Variants in NUS1 observed in about 807,000 individuals in gnomAD.
NUS1 encodes the protein NUS1 dehydrodolichyl diphosphate synthase subunit.
For synonymous variants in NUS1, 135 were observed against 155.2 expected, an observed-to-expected ratio of 0.87 and a Z score of 0.97; for missense variants, 292 against 382.9, an observed-to-expected ratio of 0.76 and a Z score of 1.98.
rs910530576 is a variant in NUS1, at chr6:117,697,607, G to A, written c.691+3427G>A. Among the ~76,000 whole-genome samples the A allele has an allele frequency of 3.9e-5, 6 of 152,062 alleles. No homozygotes were observed. In the South Asian group the frequency reaches 1.2e-3, roughly 32 times the overall value. ...AGGGGTCATTTTAGCAAGAGGATAT[G>A]ACAGTTGTAAATACATATGCACCCA... On this transcript the variant is annotated intron_variant, in intron 3 of 4. Coordinates refer to ENST00000368494, the MANE Select transcript of NUS1 (RefSeq NM_138459.5).
intron 1 of NUS1, among the ~76,000 whole-genome samples, chr6:117,679,512 A>G (rs1773030966): frequency 2.0e-5 from 3 of 152,254 alleles, no homozygotes. Context: ...TTTTAAAACA[A>G]CAATTTATAT....
chr6:117,678,415 A>G (rs996456622), intron 1 of NUS1, among the ~76,000 whole-genome samples: 1 of 152,212 alleles, frequency 6.6e-6, no homozygotes, highest in African/African-American at 2.4e-5. Flanking sequence ...TACTCATGGA[A>G]CTTAGATTTC....
At chr6:117,692,170 A>T (rs982169750) in intron 1 of NUS1, among the ~76,000 whole-genome samples, 3 of 152,060 alleles carry the variant, frequency 2.0e-5, no homozygotes, top group Non-Finnish European at 2.9e-5. Flanking sequence ...AAGCAGCTTT[A>T]TATGTATATA....
chr6:117,696,171 T>C (rs1370340697), intron 3 of NUS1, among the ~76,000 whole-genome samples: 1 of 152,002 alleles, frequency 6.6e-6, no homozygotes, highest in Non-Finnish European at 1.5e-5. Context: ...AGTCTCTTAA[T>C]AGCAGAATTG....
At chr6:117,679,764 A>T (rs1330223811) in intron 1 of NUS1, among the ~76,000 whole-genome samples, 8 of 152,206 alleles carry the variant, frequency 5.3e-5, no homozygotes, top group Non-Finnish European at 8.8e-5. Flanking sequence ...AAGCTGAAAG[A>T]TGTCTTAGGA....
At chr6:117,683,534 GAGGT>G (rs1232512687) in intron 1 of NUS1, among the ~76,000 whole-genome samples, 1 of 152,132 alleles carries the variant, frequency 6.6e-6, no homozygotes, top group Non-Finnish European at 1.5e-5. Flanking sequence ...AAAAGAAAAA[GAGGT>G]AGGCCAATTT....
At position 117,675,496 on chromosome 6, in the gene NUS1, G is replaced by A. The variant is rs1772954325; in HGVS notation, c.-175G>A. The A allele has an allele frequency of 4.0e-5, 26 of 646,974 alleles. No homozygotes were observed. The South Asian group carries it at 4.8e-4, about 12-fold the overall frequency. The allele number at this position is 646,974 out of a possible 1,614,324, so 40.1% of individuals were successfully genotyped here. A position where few individuals can be genotyped will look rare whatever the true frequency, so the allele number is the denominator to read the frequency against. ...ACTACTGGGGGCGGGGCTGCCAAGG[G>A]AGGAGGAAGATGGCGGCGGGGGCGA... On this transcript the variant is annotated 5_prime_UTR_variant, in exon 1 of 5. Coordinates refer to ENST00000368494, the MANE Select transcript of NUS1 (RefSeq NM_138459.5).
At chr6:117,676,616 C>T (rs1423670769) in intron 1 of NUS1, among the ~76,000 whole-genome samples, 1 of 152,116 alleles carries the variant, frequency 6.6e-6, no homozygotes, top group Non-Finnish European at 1.5e-5. Context: ...AATAAAAAAT[C>T]TCTTATTCGT....
rs752597745 is a variant in NUS1 at position 117,693,182 on chromosome 6, A to G, written c.541+15A>G. Reference sequence around the variant, plus strand: ...AGATGATCAAGGTAAGCATGAGTGTATAATTGAACATGTAACATATGAAGA... The same window carrying G: ...AGATGATCAAGGTAAGCATGAGTGTGTAATTGAACATGTAACATATGAAGA... On this transcript the variant is annotated intron_variant, in intron 2 of 4. Coordinates refer to ENST00000368494, the MANE Select transcript of NUS1 (RefSeq NM_138459.5). 19 of 1,605,284 alleles carry G rather than the reference A, an allele frequency of 1.2e-5. No individual in the cohort carries two copies. The highest frequency in any genetic ancestry group is 1.6e-5 in the Non-Finnish European group (19 of 1,175,576).
chr6:117,705,387 T>C (rs1773484948), intron 4 of NUS1, among the ~76,000 whole-genome samples: 1 of 152,198 alleles, frequency 6.6e-6, no homozygotes, highest in African/African-American at 2.4e-5. Context: ...GCTCTATAAC[T>C]TGACTTTGGC....
rs1773557464 is a variant in NUS1 at position 117,710,311 on chromosome 6, T to A, written c.*3296T>A. The A allele has an allele frequency of 6.6e-6, 1 of 152,050 alleles. No individual in the cohort carries two copies. Among genetic ancestry groups the A allele is most frequent in the South Asian group, 2.1e-4 (1 of 4,834 alleles). 9.4% of individuals were successfully genotyped at this position (152,050 alleles called of 1,614,324 possible). On this transcript the variant is annotated 3_prime_UTR_variant, in exon 5 of 5. Coordinates refer to ENST00000368494, the MANE Select transcript of NUS1 (RefSeq NM_138459.5). ...AGGCAAATAACTGCTTACTAGGAACTTCCTTTAGCAAAAATTACTATAAAG... is the reference window on the plus strand; with the variant it reads ...AGGCAAATAACTGCTTACTAGGAACATCCTTTAGCAAAAATTACTATAAAG...
chr6:117,705,078 G>A (rs1162996555), intron 4 of NUS1, among the ~76,000 whole-genome samples: 1 of 152,112 alleles, frequency 6.6e-6, no homozygotes, highest in Non-Finnish European at 1.5e-5. Flanking sequence ...AGAAGAGAAC[G>A]TGTAGCATGT....
At chr6:117,679,314 C>G (rs149369862) in intron 1 of NUS1, among the ~76,000 whole-genome samples, 7 of 152,232 alleles carry the variant, frequency 4.6e-5, no homozygotes, top group South Asian at 2.1e-4. Flanking sequence ...ACAGTGTTCT[C>G]TGTGTGTGTG....
intron 1 of NUS1, among the ~76,000 whole-genome samples, chr6:117,676,734 G>C (rs969702368): frequency 4.6e-5 from 7 of 152,228 alleles, no homozygotes; most frequent in Non-Finnish European, 7.3e-5. Flanking sequence ...ACAAAGATCG[G>C]AATGAGGATA....
At chr6:117,706,565 C>T (rs1375961365) in intron 4 of NUS1, among the ~76,000 whole-genome samples, 1 of 152,166 alleles carries the variant, frequency 6.6e-6, no homozygotes, top group Non-Finnish European at 1.5e-5. Context: ...CTTGTCATCT[C>T]ATTGTCCACA....
At chr6:117,691,560 T>TATAG (rs1773219957) in intron 1 of NUS1, among the ~76,000 whole-genome samples, 1 of 6,168 alleles carries the variant, frequency 1.6e-4, no homozygotes, top group South Asian at 4.6e-3. Context: ...TAGATATAGA[T>TATAG]ATATATATAT....
At chr6:117,691,847 G>A (rs1046630392) in intron 1 of NUS1, among the ~76,000 whole-genome samples, 2 of 151,638 alleles carry the variant, frequency 1.3e-5, no homozygotes, top group Non-Finnish European at 2.9e-5. Context: ...GGCAATTTCT[G>A]TTACTCTGTC....
intron 1 of NUS1, 122 bp from the exon 2 acceptor site, chr6:117,692,920 T>C: frequency 1.3e-6 from 1 of 758,290 alleles, no homozygotes; most frequent in Non-Finnish European, 2.2e-6. Flanking sequence ...TTAGGACTAG[T>C]CATTACAGCT....
intron 4 of NUS1, among the ~76,000 whole-genome samples, chr6:117,706,708 A>C (rs1486275233): frequency 6.6e-6 from 1 of 152,074 alleles, no homozygotes; most frequent in East Asian, 1.9e-4. Context: ...GGTGCCTCAG[A>C]GGCTCTCTGC....
Sources: gnomAD v4.1 joint callset for allele counts (sites outside exome capture counted in the v4.1 genomes callset) on GRCh38, gnomAD v4.1.1 for gene constraint, MANE v1.5 for transcripts, NCBI Gene and HGNC (gene_info 2026-07-23, HGNC 2026-07-21) for gene names.